Variants in RFX3 observed in about 807,000 individuals in gnomAD.
The protein encoded by RFX3 is transcription factor RFX3.
A neutral mutation model predicts 98.6 loss-of-function variants in RFX3; 14 were observed. The observed-to-expected ratio is 0.14, with a 90% CI of 0.09 to 0.22. The LOEUF (loss-of-function observed/expected upper bound fraction) is 0.22, where lower values mean the gene tolerates loss of function less well. RFX3 is among the 10% of genes least tolerant of loss of function. RFX3 has a pLI of 1.00. For synonymous variants in RFX3, 383 were observed against 328.4 expected (o/e 1.17, Z -1.80); for missense variants, 639 against 926.9 (o/e 0.69, Z 4.03).
chr9:3,241,266 A>G (rs1281280445), intron 15 of RFX3, among the ~76,000 whole-genome samples: 1 of 151,244 alleles, frequency 6.6e-6, no homozygotes, highest in Non-Finnish European at 1.5e-5. Context: ...CTAATGTATC[A>G]ATCATGAAAT....
At chr9:3,365,547 A>G (rs80018182) in intron 2 of RFX3, among the ~76,000 whole-genome samples, 5,410 of 149,662 alleles carry the variant, frequency 0.036, 334 homozygotes, top group African/African-American at 0.13. Context: ...AAGAAAAGAA[A>G]AAGAGTAGCA....
chr9:3,406,547 A>G (rs1841992665), intron 1 of RFX3, among the ~76,000 whole-genome samples: 1 of 152,048 alleles, frequency 6.6e-6, no homozygotes, highest in Non-Finnish European at 1.5e-5. Flanking sequence ...TGCATGGACT[A>G]TCCTTATCTT....
Position 3,294,996 on chromosome 9 carries a change from C to A in RFX3, c.550-1738G>T, listed in dbSNP as rs563468147. Among the ~76,000 whole-genome samples the A allele has an allele frequency of 3.3e-5, 5 of 152,092 alleles. No individual in the cohort carries two copies. The South Asian group carries it at 1.0e-3, about 32-fold the overall frequency. On this transcript the variant is annotated intron_variant, in intron 5 of 16. Coordinates refer to ENST00000617270, the MANE Select transcript of RFX3 (RefSeq NM_001282116.2). ...AAAAGTATTACAGGCCAAAATAATT[C>A]TTTTGTTATGAATCATCTATAACTT...
At chr9:3,455,279 C>T (rs1455443542) in intron 1 of RFX3, among the ~76,000 whole-genome samples, 2 of 152,136 alleles carry the variant, frequency 1.3e-5, no homozygotes. Flanking sequence ...GGCTGTTTTT[C>T]TTAAGCACCA....
chr9:3,382,896 G>C (rs978276982), intron 2 of RFX3, among the ~76,000 whole-genome samples: 1 of 152,136 alleles, frequency 6.6e-6, no homozygotes, highest in South Asian at 2.1e-4. Context: ...TTATTGCTTA[G>C]AATATATATG....
intron 3 of RFX3, among the ~76,000 whole-genome samples, chr9:3,346,069 A>G (rs1834413838): frequency 6.6e-6 from 1 of 152,218 alleles, no homozygotes; most frequent in African/African-American, 2.4e-5. Context: ...TCCTTTATTT[A>G]TAACAACATT....
chr9:3,277,378 G>C lies in RFX3; in HGVS notation c.935C>G (p.Thr312Ser), dbSNP rs1376273892. 3.7e-6 allele frequency: 6 copies of C among 1,612,590 alleles called. No individual in the cohort carries two copies. The highest frequency in any genetic ancestry group is 4.5e-5 in the East Asian group (2 of 44,818). ...ATGATGTTGGCTTTGGGCAATTACA[G>C]TTTGCTCAACAGATGTGCCTGTCTG... ...GQQTGTSVEQ[T>S]VIAQSQHHQQ... Residue 312 changes from threonine to serine, a missense_variant, in exon 8 of 17, where the codon ACT (threonine) becomes AGT (serine). Physicochemically the swap from Thr to Ser is moderately conservative, Grantham distance 58 (BLOSUM62 1). Coordinates refer to ENST00000617270, the MANE Select transcript of RFX3 (RefSeq NM_001282116.2).
At chr9:3,247,035 T>C (rs1820766590) in intron 15 of RFX3, 2 of 965,768 alleles carry the variant, frequency 2.1e-6, no homozygotes, top group Admixed American at 1.2e-4. Context: ...CATTGAATAA[T>C]ATCTGTTTTC....
At chr9:3,316,307 C>G (rs2130624431) in intron 4 of RFX3, among the ~76,000 whole-genome samples, 1 of 152,238 alleles carries the variant, frequency 6.6e-6, no homozygotes, top group East Asian at 1.9e-4. Context: ...CAGAAAACGC[C>G]TTTGACAAAA....
chr9:3,371,686 A>G (rs1837880680), intron 2 of RFX3, among the ~76,000 whole-genome samples: 1 of 152,218 alleles, frequency 6.6e-6, no homozygotes, highest in African/African-American at 2.4e-5. Flanking sequence ...AAAGAGTAAC[A>G]TAAATTACTA....
chr9:3,421,370 C>T (rs1843427105), intron 1 of RFX3, among the ~76,000 whole-genome samples: 1 of 152,256 alleles, frequency 6.6e-6, no homozygotes, highest in South Asian at 2.1e-4. Flanking sequence ...AGCTGAATAT[C>T]CTCCTTTCAT....
intron 1 of RFX3, among the ~76,000 whole-genome samples, chr9:3,514,743 G>T (rs1383625317): frequency 6.6e-6 from 1 of 152,134 alleles, no homozygotes; most frequent in South Asian, 2.1e-4. Flanking sequence ...GCTAAACAAA[G>T]TATTTTAAAA....
chr9:3,455,376 T>G (rs1479782093), intron 1 of RFX3, among the ~76,000 whole-genome samples: 1 of 152,162 alleles, frequency 6.6e-6, no homozygotes, highest in Non-Finnish European at 1.5e-5. Flanking sequence ...TCCCTTCCCT[T>G]CCCTTCCCTT....
intron 3 of RFX3, among the ~76,000 whole-genome samples, chr9:3,335,675 T>G (rs1165608062): frequency 6.6e-6 from 1 of 152,216 alleles, no homozygotes; most frequent in Non-Finnish European, 1.5e-5. Context: ...TCATATTATT[T>G]CTATAGCAGA....
chr9:3,280,880 A>T (rs1415959647), intron 7 of RFX3, among the ~76,000 whole-genome samples: 2 of 151,740 alleles, frequency 1.3e-5, no homozygotes, highest in Non-Finnish European at 3.0e-5. Flanking sequence ...ATGTTGTAGA[A>T]ATACATCAAT....
chr9:3,517,967 A>G (rs1270291198), intron 1 of RFX3, among the ~76,000 whole-genome samples: 1 of 152,210 alleles, frequency 6.6e-6, no homozygotes, highest in African/African-American at 2.4e-5. Context: ...GTGACATCAT[A>G]ACCAACTAAA....
chr9:3,368,781 T>C (rs9298952), intron 2 of RFX3, among the ~76,000 whole-genome samples: 17,879 of 152,212 alleles, frequency 0.12, 1,723 homozygotes, highest in African/African-American at 0.26. Flanking sequence ...CTAAGTACTG[T>C]AGTTTATAAT....
chr9:3,491,647 C>G (rs576348344), intron 1 of RFX3, among the ~76,000 whole-genome samples: 5 of 152,248 alleles, frequency 3.3e-5, no homozygotes, highest in African/African-American at 1.2e-4. Flanking sequence ...AAAACCTATT[C>G]TTTGAACATA....
rs138281292 is a variant in RFX3 at position 3,350,931 on chromosome 9, C to A, written c.118-4167G>T. Among the ~76,000 whole-genome samples, 760 of 151,904 alleles carry A rather than the reference C, an allele frequency of 5.0e-3. 7 individuals are homozygous for A. Among genetic ancestry groups the A allele is most frequent in the Admixed American group, 8.3e-3 (127 of 15,260 alleles). On this transcript the variant is annotated intron_variant, in intron 2 of 16. Coordinates refer to ENST00000617270, the MANE Select transcript of RFX3 (RefSeq NM_001282116.2). ...AGTAAAAAGATCAGTGGCTGCCAGC[C>A]ACTGGGGGAAAGGAGAGATGAACAG...
Sources: gnomAD v4.1 joint callset for allele counts (sites outside exome capture counted in the v4.1 genomes callset) on GRCh38, gnomAD v4.1.1 for gene constraint, MANE v1.5 for transcripts, NCBI Gene and HGNC (gene_info 2026-07-23, HGNC 2026-07-21) for gene names.